The following DST variants were observed in gnomAD, a reference collection of about 807,000 sequenced individuals.
The protein encoded by DST is bullous pemphigoid antigen.
In DST, 253 loss-of-function variants were observed where a neutral mutation model predicts 875.2. The observed-to-expected ratio is 0.29, with a 90% CI of 0.26 to 0.32. The LOEUF (loss-of-function observed/expected upper bound fraction) is 0.32. Among genes scored for constraint, DST ranks in the 10% least tolerant of loss-of-function variants. DST has a pLI of 1.00. For missense variants in DST, 8,287 were observed against 9,111.6 expected (o/e 0.91, Z 3.68); for synonymous variants, 3,124 against 3,197.1 (o/e 0.98, Z 0.77).
chr6:56,754,056 C>A (rs976457910), intron 4 of DST, among the ~76,000 whole-genome samples: 8 of 152,104 alleles, frequency 5.3e-5, no homozygotes, highest in African/African-American at 1.9e-4. Flanking sequence ...TCACTTCATA[C>A]CACTGATAAT....
chr6:56,636,373 T>C lies in DST; in HGVS notation c.3060+184A>G, dbSNP rs7748364. ...GTATATATATGTGTGTGTATATATA[T>C]ACACACATATATGTGTATACGTATG... On this transcript the variant is annotated intron_variant, in intron 23 of 103. Coordinates refer to ENST00000680361, the MANE Select transcript of DST (RefSeq NM_001374736.1). 0.019 allele frequency among the ~76,000 whole-genome samples: 2,824 copies of C among 151,144 alleles called. 85 individuals are homozygous for C. Among genetic ancestry groups the C allele is most frequent in the African/African-American group, 0.065 (2,697 of 41,198 alleles).
At chr6:56,618,889 C>A in intron 36 of DST, 3 of 1,614,118 alleles carry the variant, frequency 1.9e-6, no homozygotes, top group Non-Finnish European at 2.5e-6. Context: ...CTTTTTTCAA[C>A]CTGTTATTTA....
chr6:56,600,386 G>T (rs561369076), intron 44 of DST, among the ~76,000 whole-genome samples, 165 bp from the exon 45 acceptor site: 1 of 152,142 alleles, frequency 6.6e-6, no homozygotes, highest in Non-Finnish European at 1.5e-5. Context: ...AGGTGAGACA[G>T]AAAATATGAG....
At chr6:56,939,128 G>A (rs1371109094) in intron 2 of DST, among the ~76,000 whole-genome samples, 1 of 152,224 alleles carries the variant, frequency 6.6e-6, no homozygotes, top group Non-Finnish European at 1.5e-5. Context: ...CCAGGCACAA[G>A]AACAGAAAAG....
chr6:56,576,375 A>G (rs942333510), intron 50 of DST, among the ~76,000 whole-genome samples: 2 of 152,268 alleles, frequency 1.3e-5, no homozygotes, highest in South Asian at 2.1e-4. Context: ...TGGGAATCCT[A>G]ATTTATAGCT....
At chr6:56,581,697 T>A (rs1029803307) in intron 49 of DST, among the ~76,000 whole-genome samples, 1 of 152,262 alleles carries the variant, frequency 6.6e-6, no homozygotes. Flanking sequence ...CTCATGCTCC[T>A]CTTCTACTCC....
chr6:56,572,105 T>A lies in DST; in HGVS notation c.13716A>T (p.Lys4572Asn). Residue 4572 changes from lysine (K) to asparagine (N), a missense_variant, in exon 53 of 104, where the codon AAA becomes AAT. Coordinates refer to ENST00000680361, the MANE Select transcript of DST (RefSeq NM_001374736.1). The part of the protein sequence containing the change: ...KKFKEMEDTI[K>N]EKKEAVTSCQ... ...ATTTTTAAAGTGGTACTTACTTTTC[T>A]TTGATGGTATCCTCCATTTCCTTGA... 1 of 1,483,042 alleles carries A rather than the reference T, an allele frequency of 6.7e-7. No individual in the cohort carries two copies. The highest frequency in any genetic ancestry group is 9.0e-7 in the Non-Finnish European group (1 of 1,116,754). The allele number at this position is 1,483,042 out of a possible 1,614,324, so 91.9% of individuals were successfully genotyped here.
intron 23 of DST, 30 bp downstream of exon 23, chr6:56,636,527 T>G (rs1033486513): frequency 2.6e-6 from 4 of 1,562,178 alleles, no homozygotes; most frequent in Non-Finnish European, 3.5e-6. Flanking sequence ...CACAATACCA[T>G]CTATTGAAGT....
Position 56,869,561 on chromosome 6 carries a change from C to T in DST, c.418-17957G>A, listed in dbSNP as rs567200230. 9.9e-5 allele frequency among the ~76,000 whole-genome samples: 15 copies of T among 151,606 alleles called. No individual in the cohort carries two copies. In the South Asian group the frequency reaches 1.7e-3, roughly 17 times the overall value. On this transcript the variant is annotated intron_variant, in intron 3 of 103. Transcript: ENST00000680361. ...ACCCTGAGATTGCAAGGACACTTGC[C>T]CATGTCAAGCTTGTGGCTGGACAGA...
At chr6:56,525,867 TCC>T (rs1185332141) in intron 69 of DST, among the ~76,000 whole-genome samples, 1 of 152,028 alleles carries the variant, frequency 6.6e-6, no homozygotes, top group African/African-American at 2.4e-5. Flanking sequence ...TATCATCTTT[TCC>T]CCCCTTCTGT....
rs549434902 is a variant in DST, at chr6:56,765,640, G to C, written c.626-30351C>G. Among the ~76,000 whole-genome samples the C allele has an allele frequency of 3.3e-5, 5 of 152,338 alleles. No homozygotes were observed. In the South Asian group the frequency reaches 1.0e-3, roughly 32 times the overall value. On this transcript the variant is annotated intron_variant, in intron 4 of 103. Coordinates refer to ENST00000680361, the MANE Select transcript of DST (RefSeq NM_001374736.1). ...AAAAGCAATCTGTGCTTAGAGAACA[G>C]AGATGTTAAGATGAATGGTGAAGTA... is the stretch of plus-strand genomic sequence containing the variant.
At chr6:56,719,227 C>T (rs987241273) in intron 5 of DST, among the ~76,000 whole-genome samples, 2 of 152,120 alleles carry the variant, frequency 1.3e-5, no homozygotes, top group Admixed American at 6.5e-5. Flanking sequence ...TGGGTCAGTA[C>T]ATACAACTGA....
rs2099580896 is a variant in DST at position 56,749,276 on chromosome 6, C to A, written c.626-13987G>T. Among the ~76,000 whole-genome samples the A allele has an allele frequency of 2.0e-5, 3 of 152,132 alleles. No individual in the cohort carries two copies. The South Asian group carries it at 6.2e-4, about 32-fold the overall frequency. On this transcript the variant is annotated intron_variant, in intron 4 of 103. Transcript: ENST00000680361. ...GGCTGAGGCAGGAGAATCGCTTTAA[C>A]CCGGGAGGCAGAGGTTGCAGTGAGA...
At chr6:56,744,937 A>G (rs1345633092) in intron 4 of DST, among the ~76,000 whole-genome samples, 1 of 152,228 alleles carries the variant, frequency 6.6e-6, no homozygotes, top group East Asian at 1.9e-4. Context: ...TATTTCTATT[A>G]GTATAGACGT....
chr6:56,582,946 T>C (rs1184888912), intron 49 of DST, among the ~76,000 whole-genome samples: 8 of 151,976 alleles, frequency 5.3e-5, no homozygotes, highest in Non-Finnish European at 7.4e-5. Flanking sequence ...TATGGCTGCA[T>C]AGTATTCCAT....
chr6:56,573,442 T>G (rs2097808473), intron 51 of DST, among the ~76,000 whole-genome samples: 3 of 152,210 alleles, frequency 2.0e-5, no homozygotes, highest in Non-Finnish European at 2.9e-5. Context: ...AATGTATGCA[T>G]AAGCCCTCTA....
intron 3 of DST, among the ~76,000 whole-genome samples, chr6:56,891,351 A>T (rs1197763993): frequency 6.6e-6 from 1 of 152,070 alleles, no homozygotes; most frequent in African/African-American, 2.4e-5. Flanking sequence ...TGAGCCCAGG[A>T]GTTCAAGACC....
chr6:56,623,851 CTA>C (rs2098710729), intron 36 of DST, among the ~76,000 whole-genome samples: 2 of 151,960 alleles, frequency 1.3e-5, no homozygotes, highest in Admixed American at 1.3e-4. Flanking sequence ...CTTACTCTTC[CTA>C]TATGATTTTT....
intron 4 of DST, among the ~76,000 whole-genome samples, chr6:56,849,032 C>T (rs1197070415): frequency 6.6e-6 from 1 of 151,776 alleles, no homozygotes; most frequent in Non-Finnish European, 1.5e-5. Flanking sequence ...GAGAGAGAAT[C>T]TGTCTCAAAA....
Sources: gnomAD v4.1 joint callset for allele counts (sites outside exome capture counted in the v4.1 genomes callset) on GRCh38, gnomAD v4.1.1 for gene constraint, MANE v1.5 for transcripts, NCBI Gene and HGNC (gene_info 2026-07-23, HGNC 2026-07-21) for gene names.